The following RBM47 variants were observed in gnomAD, a reference collection of about 807,000 sequenced individuals.
RBM47 encodes RNA binding motif protein 47, also known as RNA-binding protein 47.
A neutral mutation model predicts 47.1 loss-of-function variants in RBM47; 21 were observed. The observed-to-expected ratio is 0.45, with a 90% confidence interval of 0.32 to 0.64. The LOEUF (loss-of-function observed/expected upper bound fraction) is 0.64. RBM47 is among the 30% of genes least tolerant of loss of function. The probability of loss-of-function intolerance (pLI) is 0.05; values close to 1 mark genes in which losing one functional copy is unlikely to be tolerated. For missense variants in RBM47, 708 were observed against 870.9 expected (o/e 0.81, Z 2.35); for synonymous variants, 375 against 361.7 (o/e 1.04, Z -0.42).
At chr4:40,624,778 C>G (rs1250050838) in intron 1 of RBM47, among the ~76,000 whole-genome samples, 1 of 151,724 alleles carries the variant, frequency 6.6e-6, no homozygotes, top group East Asian at 1.9e-4. Context: ...GCTTGGTGTA[C>G]CAAGAACCAT....
intron 1 of RBM47, among the ~76,000 whole-genome samples, chr4:40,572,482 G>A (rs1731826251): frequency 6.6e-6 from 1 of 151,980 alleles, no homozygotes; most frequent in African/African-American, 2.4e-5. Flanking sequence ...TTGTGGAAAA[G>A]GAGAGGAATA....
chr4:40,530,076 C>T (rs537978911), intron 2 of RBM47, among the ~76,000 whole-genome samples: 2 of 149,086 alleles, frequency 1.3e-5, no homozygotes, highest in African/African-American at 4.9e-5. Context: ...GCTGGGATTA[C>T]AGGCGTGTGC....
Position 40,570,443 on chromosome 4 carries a change from G to T in RBM47, c.-239-25937C>A, listed in dbSNP as rs201798192. Among the ~76,000 whole-genome samples the T allele has an allele frequency of 6.6e-5, 10 of 151,900 alleles. No individual in the cohort carries two copies. The East Asian group carries it at 1.9e-3, about 29-fold the overall frequency. On this transcript the variant is annotated intron_variant, in intron 1 of 6. Transcript: ENST00000295971. ...GTGCAGTTCATAATAGGCTTTACGC[G>T]CCTATGAGAATCTAATGCTGCCACT...
At chr4:40,612,878 T>C (rs1428611829) in intron 1 of RBM47, among the ~76,000 whole-genome samples, 1 of 152,236 alleles carries the variant, frequency 6.6e-6, no homozygotes, top group Non-Finnish European at 1.5e-5. Flanking sequence ...TTTTGTTTCA[T>C]TTCCTTTGGT....
Position 40,573,807 on chromosome 4 carries a change from A to AAAGAAAG in RBM47, c.-239-29302_-239-29301insCTTTCTT, listed in dbSNP as rs148001440. ...AAAGAGAGAGAGAGAGAAAGAAAGA[A>AAAGAAAG]AAAGAAAGAAAGAAAGAAAGAAAGA... On this transcript the variant is annotated intron_variant, in intron 1 of 6. Transcript: ENST00000295971. Among the ~76,000 whole-genome samples the AAAGAAAG allele has an allele frequency of 8.3e-3, 1,132 of 136,748 alleles. 21 individuals carry two copies. Among genetic ancestry groups the AAAGAAAG allele is most frequent in the Non-Finnish European group, 0.011 (725 of 65,640 alleles). 89.7% of individuals were successfully genotyped at this position (136,748 alleles called of 152,430 possible).
At chr4:40,512,990 G>GAA (rs1725148317) in intron 2 of RBM47, among the ~76,000 whole-genome samples, 1 of 152,178 alleles carries the variant, frequency 6.6e-6, no homozygotes, top group Non-Finnish European at 1.5e-5. Context: ...TCAGAGTAGT[G>GAA]AAATGACTTT....
At chr4:40,598,969 C>T (rs1043719709) in intron 1 of RBM47, among the ~76,000 whole-genome samples, 1 of 151,764 alleles carries the variant, frequency 6.6e-6, no homozygotes, top group Non-Finnish European at 1.5e-5. Context: ...AAAGAGAAGT[C>T]CCTGGCCAGG....
chr4:40,437,709 TGCCCCCTGCCTAGGA>T, intron 4 of RBM47, 47 bp downstream of exon 4: 1 of 1,466,756 alleles, frequency 6.8e-7, no homozygotes, highest in Non-Finnish European at 9.3e-7. Context: ...GTATCCCTGG[TGCCCCCTGCCTAGGA>T]GGCAACGTTC....
chr4:40,480,266 C>T (rs956729079), intron 2 of RBM47, among the ~76,000 whole-genome samples: 19 of 152,082 alleles, frequency 1.2e-4, no homozygotes, highest in Non-Finnish European at 1.5e-4. Context: ...CCGTGAGCCA[C>T]GCGCTCAGCC....
At chr4:40,573,807 A>AAAAAAGAAAGAAAGAAAGAAAGAAAG (rs1732011046) in intron 1 of RBM47, among the ~76,000 whole-genome samples, 28 of 136,760 alleles carry the variant, frequency 2.0e-4, no homozygotes, top group African/African-American at 8.2e-4. Flanking sequence ...GAAAGAAAGA[A>AAAAAAGAAAGAAAGAAAGAAAGAAAG]AAAGAAAGAA....
intron 3 of RBM47, among the ~76,000 whole-genome samples, chr4:40,456,449 A>G (rs886085915): frequency 1.3e-5 from 2 of 151,992 alleles, no homozygotes; most frequent in Non-Finnish European, 2.9e-5. Flanking sequence ...ATATGATTCA[A>G]GTTACTGAGA....
At chr4:40,529,115 C>T (rs988626289) in intron 2 of RBM47, among the ~76,000 whole-genome samples, 17 of 151,942 alleles carry the variant, frequency 1.1e-4, no homozygotes, top group African/African-American at 3.1e-4. Flanking sequence ...TGAAATGTGC[C>T]GCTGGCTACC....
chr4:40,487,419 A>C (rs1295253124), intron 2 of RBM47, among the ~76,000 whole-genome samples: 1 of 152,110 alleles, frequency 6.6e-6, no homozygotes, highest in Admixed American at 6.5e-5. Context: ...CCTCCTGAGT[A>C]GCTGGGTCTA....
At chr4:40,559,831 A>G (rs1030317988) in intron 1 of RBM47, among the ~76,000 whole-genome samples, 9 of 152,230 alleles carry the variant, frequency 5.9e-5, no homozygotes, top group African/African-American at 2.2e-4. Context: ...AATATGCCCC[A>G]GCCTTGACTC....
chr4:40,453,928 T>C (rs753365369), intron 3 of RBM47, among the ~76,000 whole-genome samples: 13 of 152,236 alleles, frequency 8.5e-5, no homozygotes, highest in Non-Finnish European at 2.9e-5. Context: ...GATAGTTAAC[T>C]ATTTTTTTGA....
Position 40,591,524 on chromosome 4 carries a change from A to T in RBM47, c.-240+37872T>A, listed in dbSNP as rs62301868. ...AGCCTGGCCAACATGGTGAAACCCC[A>T]TCTCAACTAAAAATACAAAATTAGC... On this transcript the variant is annotated intron_variant, in intron 1 of 6. Coordinates refer to ENST00000295971, the MANE Select transcript of RBM47 (RefSeq NM_001098634.2). Among the ~76,000 whole-genome samples the T allele has an allele frequency of 4.7e-3, 709 of 152,070 alleles. 7 individuals are homozygous for T. The highest frequency in any genetic ancestry group is 0.016 in the South Asian group (78 of 4,814).
intron 6 of RBM47, among the ~76,000 whole-genome samples, chr4:40,431,671 A>AGG (rs11373423): frequency 7.0e-6 from 1 of 143,494 alleles, no homozygotes; most frequent in Admixed American, 6.9e-5. Flanking sequence ...AAAAAAAAAA[A>AGG]AGAGAGAGAA....
At chr4:40,602,477 G>A (rs1029852233) in intron 1 of RBM47, among the ~76,000 whole-genome samples, 5 of 151,648 alleles carry the variant, frequency 3.3e-5, no homozygotes, top group South Asian at 2.1e-4. Context: ...GTGAAACCCC[G>A]TCTCTACTAA....
chr4:40,478,463 A>C (rs562777525), intron 2 of RBM47, among the ~76,000 whole-genome samples: 1 of 152,316 alleles, frequency 6.6e-6, no homozygotes, highest in South Asian at 2.1e-4. Flanking sequence ...AGGAAAAAAA[A>C]GTACAGACGC....
Sources: gnomAD v4.1 joint callset for allele counts (sites outside exome capture counted in the v4.1 genomes callset) on GRCh38, gnomAD v4.1.1 for gene constraint, MANE v1.5 for transcripts, NCBI Gene and HGNC (gene_info 2026-07-23, HGNC 2026-07-21) for gene names.